The following CASD1 variants were observed in gnomAD, a reference collection of about 807,000 sequenced individuals.
CASD1 encodes CAS1 domain sialic acid O acetyltransferase 1, also known as N-acetylneuraminate (7)9-O-acetyltransferase.
In CASD1, 41 loss-of-function variants were observed where a neutral mutation model predicts 100.0. The ratio of observed to expected loss-of-function variants is 0.41; its 90% CI spans 0.32 to 0.53. The LOEUF is 0.53. Among genes scored for constraint, CASD1 ranks in the 20% least tolerant of loss-of-function variants. The pLI is 0.25. For missense variants in CASD1, 774 were observed against 948.7 expected (o/e 0.82, Z 2.42); for synonymous variants, 321 against 315.6 (o/e 1.02, Z -0.18).
At position 94,521,600 on chromosome 7, in the gene CASD1, G is replaced by A. The variant is rs116184767; in HGVS notation, c.351+3277G>A. ...TAGAATGTATAAATTTCAATCAGAAGAATAAAAAAATTAAGCAAAAACCAA... is the reference window on the plus strand; with the variant it reads ...TAGAATGTATAAATTTCAATCAGAAAAATAAAAAAATTAAGCAAAAACCAA... On this transcript the variant is annotated intron_variant, in intron 3 of 17. Transcript: ENST00000297273. Among the ~76,000 whole-genome samples, 455 of 151,886 alleles carry A rather than the reference G, an allele frequency of 3.0e-3. 3 individuals are homozygous for A. Among genetic ancestry groups the A allele is most frequent in the African/African-American group, 0.01 (424 of 41,402 alleles).
At chr7:94,629,618 G>T in the CASD1 span, 1 of 1,079,030 alleles carries the variant, frequency 9.3e-7, no homozygotes, top group Non-Finnish European at 1.4e-6. Flanking sequence ...TAGACCATTT[G>T]AAATAATGTT....
chr7:94,546,743 G>C (rs1455191987), intron 12 of CASD1, among the ~76,000 whole-genome samples: 1 of 151,858 alleles, frequency 6.6e-6, no homozygotes, highest in Non-Finnish European at 1.5e-5. Flanking sequence ...TATTCAACAG[G>C]AGTGTTTGTT....
chr7:94,544,495 A>T lies in CASD1; in HGVS notation c.1441A>T (p.Ile481Leu), dbSNP rs1009023567. 3.1e-6 allele frequency: 5 copies of T among 1,613,054 alleles called. No homozygotes were observed. In the African/African-American group the frequency reaches 6.7e-5, roughly 22 times the overall value. The change falls in exon 11 of 18, where the codon ATA becomes TTA. Residue 481 changes from isoleucine to leucine, a missense_variant. Coordinates refer to ENST00000297273, the MANE Select transcript of CASD1 (RefSeq NM_022900.5). ...GTATGGGCATTTCTCATACTTTTGG[A>T]TAAAAGGAGATTTTGGAATCTATAG... is the stretch of plus-strand genomic sequence containing the variant. Reference protein sequence around the residue: ...TGYGHFSYFWIKGDFGIYRVC... With the variant: ...TGYGHFSYFWLKGDFGIYRVC...
At chr7:94,632,479 C>G in the CASD1 span, among the ~76,000 whole-genome samples, 1 of 152,130 alleles carries the variant, frequency 6.6e-6, no homozygotes, top group African/African-American at 2.4e-5. Context: ...ATCTGCTGAA[C>G]TGCATACTTG....
intron 7 of CASD1, 151 bp downstream of exon 7, chr7:94,533,953 C>T (rs926486020): frequency 4.3e-5 from 28 of 657,458 alleles, no homozygotes; most frequent in Non-Finnish European, 4.2e-5. Context: ...GAGTTATTTG[C>T]TCTCCTTTTT....
the CASD1 span, among the ~76,000 whole-genome samples, chr7:94,575,923 G>T: frequency 6.6e-6 from 1 of 152,194 alleles, no homozygotes; most frequent in South Asian, 2.1e-4. Context: ...CTTTGTCTTT[G>T]TCTTTCAATA....
the CASD1 span, among the ~76,000 whole-genome samples, chr7:94,604,206 T>C: frequency 6.6e-6 from 1 of 152,068 alleles, no homozygotes; most frequent in African/African-American, 2.4e-5. Flanking sequence ...CTTGAGAAGA[T>C]AGGAATCTCA....
intron 15 of CASD1, 67 bp from the exon 16 acceptor site, chr7:94,552,283 A>T (rs533656438): frequency 5.2e-5 from 54 of 1,046,252 alleles, no homozygotes; most frequent in Non-Finnish European, 7.6e-5. Context: ...TAAAAAAAAA[A>T]CACTGTGAGG....
At chr7:94,611,676 A>AT in the CASD1 span, among the ~76,000 whole-genome samples, 15 of 152,300 alleles carry the variant, frequency 9.8e-5, no homozygotes, top group East Asian at 3.9e-4. Context: ...TAAAGCTGTT[A>AT]TTTTTTTAAA....
chr7:94,582,499 T>C, the CASD1 span, among the ~76,000 whole-genome samples: 4 of 152,224 alleles, frequency 2.6e-5, no homozygotes, highest in Non-Finnish European at 4.4e-5. Flanking sequence ...TTGCCCACTT[T>C]TTAATGTTTT....
At chr7:94,568,295 TAATA>T in the CASD1 span, among the ~76,000 whole-genome samples, 1 of 152,114 alleles carries the variant, frequency 6.6e-6, no homozygotes, top group African/African-American at 2.4e-5. Context: ...ATGGATTGTT[TAATA>T]AATAATACTG....
At chr7:94,628,454 T>A in the CASD1 span, 3 of 1,120,024 alleles carry the variant, frequency 2.7e-6, no homozygotes, top group African/African-American at 4.6e-5. Flanking sequence ...AAAATTTTTT[T>A]CTTACATTTG....
chr7:94,569,417 G>T, the CASD1 span, among the ~76,000 whole-genome samples: 4 of 152,078 alleles, frequency 2.6e-5, no homozygotes, highest in African/African-American at 9.7e-5. Context: ...AAATCCCAAG[G>T]AATATTGCTA....
the CASD1 span, chr7:94,616,889 A>C: frequency 6.6e-6 from 1 of 152,208 alleles, no homozygotes; most frequent in Non-Finnish European, 1.5e-5. Flanking sequence ...TATTTTGTAA[A>C]GGTTAAGGCT....
chr7:94,511,143 G>A (rs1247010557), intron 1 of CASD1, among the ~76,000 whole-genome samples: 1 of 152,134 alleles, frequency 6.6e-6, no homozygotes, highest in Non-Finnish European at 1.5e-5. Context: ...ACAGGCAGAG[G>A]GAAATTAATA....
chr7:94,512,513 C>T (rs11982222), intron 1 of CASD1, among the ~76,000 whole-genome samples: 7,389 of 152,276 alleles, frequency 0.049, 590 homozygotes, highest in African/African-American at 0.17. Context: ...GCTTTACAAA[C>T]TACCGAAAGT....
In CASD1 at chr7:94,549,538, A is replaced by G; in HGVS notation, c.1719A>G (p.Ala573=). The G allele has an allele frequency of 6.2e-7, 1 of 1,605,604 alleles. No individual in the cohort carries two copies. Among genetic ancestry groups the G allele is most frequent in the Non-Finnish European group, 8.5e-7 (1 of 1,176,108 alleles). ...FICFLAYSQG[A]FEKIFSLWPL... ...TTCTGGATTCCTTTTTTCAGGGTGC[A>G]TTTGAGAAGATCTTTTCTCTTTGGC... The change falls in exon 14 of 18, where the codon GCA becomes GCG. Residue 573 remains alanine (A), a synonymous_variant. Transcript: ENST00000297273.
At chr7:94,587,760 C>A in the CASD1 span, 13 of 1,535,806 alleles carry the variant, frequency 8.5e-6, no homozygotes, top group South Asian at 1.1e-4. Flanking sequence ...ATCTGATGAA[C>A]AATTTCATTA....
At chr7:94,528,978 T>C (rs956929420) in intron 5 of CASD1, among the ~76,000 whole-genome samples, 1 of 152,146 alleles carries the variant, frequency 6.6e-6, no homozygotes, top group East Asian at 1.9e-4. Context: ...AATAAATATT[T>C]AGTATTGCAA....
Sources: allele counts gnomAD v4.1 joint callset (sites outside exome capture counted in the v4.1 genomes callset), GRCh38; gene constraint gnomAD v4.1.1; transcripts MANE v1.5; gene names NCBI Gene and HGNC (gene_info 2026-07-23, HGNC 2026-07-21).